BTAF1: variants seen among roughly 807,000 people sequenced by gnomAD.
The protein encoded by BTAF1 is TATA-binding protein-associated factor 172.
BTAF1 carries 38 observed loss-of-function variants against 227.1 expected under a neutral mutation model. The ratio of observed to expected loss-of-function variants is 0.17; its 90% CI spans 0.13 to 0.22. The LOEUF (loss-of-function observed/expected upper bound fraction) is 0.22, where lower values mean the gene tolerates loss of function less well. Among genes scored for constraint, BTAF1 ranks in the 10% least tolerant of loss-of-function variants. The pLI is 1.00. For missense variants in BTAF1, 1,598 were observed against 2,204.0 expected (o/e 0.73, Z 5.51); for synonymous variants, 742 against 751.9 (o/e 0.99, Z 0.21).
chr10:92,022,270 G>A (rs1323129509), intron 34 of BTAF1, among the ~76,000 whole-genome samples: 2 of 152,096 alleles, frequency 1.3e-5, no homozygotes, highest in Non-Finnish European at 2.9e-5. Flanking sequence ...AGTCCTAGTT[G>A]GATATTCTTA....
Position 91,984,263 on chromosome 10 carries a change from A to G in BTAF1, c.2286A>G (p.Leu762=). Residue 762 remains leucine (L), a synonymous_variant, in exon 19 of 38, where the codon TTA becomes TTG. Coordinates refer to ENST00000265990, the MANE Select transcript of BTAF1 (RefSeq NM_003972.3). The part of the protein sequence containing the change: ...PRLLDILSEH[L]YYDEIAVPFT... ...TACTTGATATCCTTTCAGAACATTT[A>G]TATTATGACGAAATTGCCGTTCCAT... The G allele has an allele frequency of 6.2e-7, 1 of 1,613,978 alleles. No individual in the cohort carries two copies. The highest frequency in any genetic ancestry group is 8.5e-7 in the Non-Finnish European group (1 of 1,179,946).
At chr10:91,976,368 A>G (rs1450979883) in intron 14 of BTAF1, among the ~76,000 whole-genome samples, 1 of 152,176 alleles carries the variant, frequency 6.6e-6, no homozygotes, top group African/African-American at 2.4e-5. Flanking sequence ...TGATTGAATT[A>G]TTAGCCATTA....
chr10:91,942,872 A>T (rs1316230749), intron 4 of BTAF1, among the ~76,000 whole-genome samples: 1 of 152,226 alleles, frequency 6.6e-6, no homozygotes, highest in Non-Finnish European at 1.5e-5. Context: ...CAAGAGCCCC[A>T]GTTTAATATA....
chr10:92,016,499 G>C, intron 33 of BTAF1, 34 bp downstream of exon 33: 1 of 1,422,814 alleles, frequency 7.0e-7, no homozygotes, highest in South Asian at 1.4e-5. Context: ...TTTTTTTTGA[G>C]ATGGAATTTC....
chr10:91,944,001 A>T (rs1398228610), intron 4 of BTAF1, among the ~76,000 whole-genome samples: 1 of 152,062 alleles, frequency 6.6e-6, no homozygotes, highest in African/African-American at 2.4e-5. Context: ...AAATATGAAA[A>T]TTAGCTGGGT....
intron 35 of BTAF1, 54 bp downstream of exon 35, chr10:92,025,021 G>T: frequency 6.7e-7 from 1 of 1,483,094 alleles, no homozygotes. Flanking sequence ...TACTTACATA[G>T]AAGTTTGCCC....
chr10:91,942,355 T>C lies in BTAF1; in HGVS notation c.254-67T>C, dbSNP rs146552699. On this transcript the variant is annotated intron_variant, in intron 3 of 37. Transcript: ENST00000265990. The stretch of plus-strand genomic sequence containing the variant: ...GTAACCCATGCAACCCAAGTAATGA[T>C]ATGCTATTTTCTTTCATTCCACACT... 400 of 1,303,990 alleles carry C rather than the reference T, an allele frequency of 3.1e-4. 2 individuals are homozygous for C. The African/African-American group carries it at 5.2e-3, about 17-fold the overall frequency. 80.8% of individuals were successfully genotyped at this position (1,303,990 alleles called of 1,614,324 possible).
At chr10:91,947,964 C>CT (rs1183108396) in intron 4 of BTAF1, among the ~76,000 whole-genome samples, 3 of 151,732 alleles carry the variant, frequency 2.0e-5, no homozygotes, top group Non-Finnish European at 2.9e-5. Context: ...TTCTTTATAT[C>CT]TTTTTTCTCT....
At position 91,953,653 on chromosome 10, in the gene BTAF1, G is replaced by T. The variant is rs181179022; in HGVS notation, c.565-84G>T. ...CGATGTATATATACTGAAATTTATA[G>T]ACTTGGTCTTCTTCTGAGGCTGAGA... is the stretch of plus-strand genomic sequence containing the variant. On this transcript the variant is annotated intron_variant, in intron 5 of 37. Coordinates refer to ENST00000265990, the MANE Select transcript of BTAF1 (RefSeq NM_003972.3). The T allele has an allele frequency of 5.9e-5, 85 of 1,450,930 alleles. No individual in the cohort carries two copies. The East Asian group carries it at 1.2e-3, about 20-fold the overall frequency. The allele number at this position is 1,450,930 out of a possible 1,614,324, so 89.9% of individuals were successfully genotyped here.
chr10:92,001,471 CCTT>C (rs1458610207), intron 25 of BTAF1, among the ~76,000 whole-genome samples: 1 of 152,122 alleles, frequency 6.6e-6, no homozygotes, highest in Non-Finnish European at 1.5e-5. Context: ...AGTAACAAGA[CCTT>C]CTACCATACT....
intron 25 of BTAF1, 136 bp from the exon 26 acceptor site, chr10:92,007,987 T>A: frequency 2.6e-6 from 2 of 780,598 alleles, no homozygotes; most frequent in Non-Finnish European, 4.0e-6. Flanking sequence ...TGTCAATTTC[T>A]TTAACCTGAT....
intron 2 of BTAF1, 71 bp from the exon 3 acceptor site, chr10:91,939,881 A>G: frequency 1.1e-6 from 1 of 938,322 alleles, no homozygotes; most frequent in South Asian, 1.7e-5. Context: ...GTAAATTTGT[A>G]TTTCTCTGTT....
At position 92,010,997 on chromosome 10, in the gene BTAF1, G is replaced by A; in HGVS notation, c.4104-76G>A. ...GCTGGGCTTAGTGGGCAGATTGAAA[G>A]CACTTTATACAAATGGTAGCTATTA... is the stretch of plus-strand genomic sequence containing the variant. On this transcript the variant is annotated intron_variant, in intron 28 of 37. Transcript: ENST00000265990. 3 of 1,071,362 alleles carry A rather than the reference G, an allele frequency of 2.8e-6. No individual in the cohort carries two copies. In the South Asian group the frequency reaches 4.1e-5, roughly 15 times the overall value. The allele number at this position is 1,071,362 out of a possible 1,614,324, so 66.4% of individuals were successfully genotyped here.
intron 21 of BTAF1, 45 bp downstream of exon 21, chr10:91,992,354 A>G (rs1225166259): frequency 2.0e-6 from 3 of 1,477,642 alleles, no homozygotes; most frequent in African/African-American, 2.8e-5. Flanking sequence ...TTTTAAACAA[A>G]TATCTGACTT....
intron 34 of BTAF1, among the ~76,000 whole-genome samples, chr10:92,022,875 A>G (rs1178901765): frequency 6.6e-6 from 1 of 152,214 alleles, no homozygotes; most frequent in Non-Finnish European, 1.5e-5. Flanking sequence ...ATTTGGAGGA[A>G]TGTCTCCCTA....
chr10:91,956,462 C>A, intron 6 of BTAF1, 66 bp from the exon 7 acceptor site: 1 of 1,442,988 alleles, frequency 6.9e-7, no homozygotes, highest in East Asian at 2.4e-5. Flanking sequence ...ATCTTTTATT[C>A]ATTTCATTCA....
intron 8 of BTAF1, among the ~76,000 whole-genome samples, chr10:91,958,400 G>T (rs1008546944): frequency 1.3e-5 from 2 of 151,988 alleles, no homozygotes; most frequent in African/African-American, 4.8e-5. Flanking sequence ...ACATGTGTTG[G>T]GATTATAAAG....
chr10:91,984,184 T>G lies in BTAF1; in HGVS notation c.2224-17T>G. 1 of 1,609,404 alleles carries G rather than the reference T, an allele frequency of 6.2e-7. No individual in the cohort carries two copies. The highest frequency in any genetic ancestry group is 8.5e-7 in the Non-Finnish European group (1 of 1,176,828). ...ATGTTCATACAGTTACCCTATTTGT[T>G]TTCTGTTGTATTTTAGGAGTGTAAA... On this transcript the variant is annotated splice_polypyrimidine_tract_variant and intron_variant, in intron 18 of 37. Transcript: ENST00000265990.
At chr10:92,001,851 C>T (rs753495039) in intron 25 of BTAF1, among the ~76,000 whole-genome samples, 2 of 150,726 alleles carry the variant, frequency 1.3e-5, no homozygotes, top group Non-Finnish European at 3.0e-5. Flanking sequence ...AGTAGTTCAC[C>T]TCTGTAACAC....
Sources: allele counts gnomAD v4.1 joint callset (sites outside exome capture counted in the v4.1 genomes callset), GRCh38; gene constraint gnomAD v4.1.1; transcripts MANE v1.5; gene names NCBI Gene and HGNC (gene_info 2026-07-23, HGNC 2026-07-21).